The following NCOA6 variants were observed in gnomAD, a reference collection of about 807,000 sequenced individuals.
The protein encoded by NCOA6 is NRC RAP250.
A neutral mutation model predicts 171.4 loss-of-function variants in NCOA6; 49 were observed. The observed-to-expected ratio is 0.29, with a 90% CI of 0.23 to 0.36. The LOEUF (loss-of-function observed/expected upper bound fraction) is 0.36. Ranked by LOEUF, NCOA6 falls within the 10% of genes least tolerant of loss-of-function variation. The pLI is 1.00. For synonymous variants in NCOA6, 910 were observed against 927.5 expected (o/e 0.98, Z 0.34); for missense variants, 2,248 against 2,554.5 (o/e 0.88, Z 2.59).
chr20:34,812,129 T>C (rs530825273), intron 1 of NCOA6, among the ~76,000 whole-genome samples: 49 of 152,156 alleles, frequency 3.2e-4, no homozygotes, highest in African/African-American at 1.1e-3. Flanking sequence ...GGCATGTGCC[T>C]GTAGTCCCAG....
In NCOA6 at chr20:34,727,319, C is replaced by T. The variant is rs1375729749; in HGVS notation, c.6088G>A (p.Val2030Met). 6.2e-7 allele frequency: 1 copy of T among 1,614,204 alleles called. No individual in the cohort carries two copies. The highest frequency in any genetic ancestry group is 2.2e-5 in the East Asian group (1 of 44,880). The change falls in exon 14 of 15, where the codon GTG (valine) becomes ATG (methionine). Residue 2030 changes from valine to methionine, a missense_variant. This residue lies in a region of NCOA6 where 884 missense variants were observed against 941.9 expected (regional missense o/e 0.94). Transcript: ENST00000359003. ...TEEPTVASES[V>M]ENGHRKRSSR... The stretch of plus-strand genomic sequence containing the variant: ...GATCGTTTACGATGTCCATTTTCCA[C>T]ACTTTCAGAGGCCACAGTTGGCTCT...
intron 1 of NCOA6, among the ~76,000 whole-genome samples, chr20:34,815,108 A>C (rs2146682767): frequency 6.6e-6 from 1 of 152,136 alleles, no homozygotes; most frequent in Middle Eastern, 3.4e-3. Context: ...GGCTGAGCAC[A>C]GTGGCACACG....
chr20:34,799,287 CAA>C (rs1424449733), intron 1 of NCOA6, among the ~76,000 whole-genome samples: 2 of 152,062 alleles, frequency 1.3e-5, no homozygotes, highest in East Asian at 1.9e-4. Flanking sequence ...TTTGAAAATA[CAA>C]AGTCAGAGGA....
rs751202123 is a variant in NCOA6, at chr20:34,742,785, G to A, written c.3471C>T (p.Pro1157=). 16 of 1,614,148 alleles carry A rather than the reference G, an allele frequency of 9.9e-6. No individual in the cohort carries two copies. Among genetic ancestry groups the A allele is most frequent in the Non-Finnish European group, 1.3e-5 (15 of 1,180,010 alleles). The change falls in exon 11 of 15, where the codon CCC becomes CCT. Residue 1157 remains proline (P), a synonymous_variant. Coordinates refer to ENST00000359003, the MANE Select transcript of NCOA6 (RefSeq NM_014071.5). ...PNNMPSHVVL[P]QNQLMMTGPK... The stretch of plus-strand genomic sequence containing the variant: ...GCCCTGTCATCATTAACTGATTCTG[G>A]GGAAGTACTACATGTGAAGGCATGT...
chr20:34,761,563 C>T (rs1042722813), intron 5 of NCOA6, among the ~76,000 whole-genome samples: 5 of 151,722 alleles, frequency 3.3e-5, no homozygotes, highest in African/African-American at 1.2e-4. Context: ...TTTACTGAAA[C>T]GTGCTCTTGG....
intron 13 of NCOA6, among the ~76,000 whole-genome samples, chr20:34,730,625 T>C (rs1350710862): frequency 1.3e-5 from 2 of 151,406 alleles, no homozygotes; most frequent in Non-Finnish European, 2.9e-5. Flanking sequence ...ATAGTAGGAG[T>C]AGCAATGAAT....
intron 1 of NCOA6, among the ~76,000 whole-genome samples, chr20:34,807,824 C>G (rs1601121052): frequency 6.8e-6 from 1 of 147,290 alleles, no homozygotes; most frequent in Non-Finnish European, 1.5e-5. Flanking sequence ...CGTGCCCGGC[C>G]TTTTTTTTTA....
chr20:34,757,736 T>C lies in NCOA6; in HGVS notation c.1012A>G (p.Met338Val), dbSNP rs777888525. ...PPPAQGSLGTMTANQGWKKAP... is the reference protein window; with the variant it reads ...PPPAQGSLGTVTANQGWKKAP... ...TTCTTCCACCCTTGGTTTGCAGTCA[T>C]TGTGCCCAGAGAACCCTGGGCTGGA... The change falls in exon 7 of 15, where the codon ATG (methionine) becomes GTG (valine). Residue 338 changes from methionine to valine, a missense_variant. By Grantham distance (21) the Met-to-Val change is conservative. Transcript: ENST00000359003. 3.1e-6 allele frequency: 5 copies of C among 1,614,088 alleles called. No individual in the cohort carries two copies. In the South Asian group the frequency reaches 3.3e-5, roughly 11 times the overall value.
intron 1 of NCOA6, among the ~76,000 whole-genome samples, chr20:34,814,283 G>C (rs1456834507): frequency 6.6e-6 from 1 of 151,962 alleles, no homozygotes; most frequent in African/African-American, 2.4e-5. Context: ...AGGTTGCAGT[G>C]AGCTGAGATC....
chr20:34,789,594 G>A (rs568438980), intron 2 of NCOA6, among the ~76,000 whole-genome samples: 1 of 152,018 alleles, frequency 6.6e-6, no homozygotes, highest in Non-Finnish European at 1.5e-5. Flanking sequence ...GGAACATGGT[G>A]AAACCCCATT....
At chr20:34,771,028 T>C (rs903109902) in intron 4 of NCOA6, among the ~76,000 whole-genome samples, 4 of 152,196 alleles carry the variant, frequency 2.6e-5, no homozygotes, top group African/African-American at 4.8e-5. Flanking sequence ...AATTTAAAAT[T>C]TTCTAGAAGC....
In NCOA6 at chr20:34,749,696, C is replaced by T. The variant is rs1200678675; in HGVS notation, c.2499G>A (p.Val833=). ...AGGCACTGTTTCCCTGCATGGCCTG[C>T]ACATGAGGGGGGACCATGTTGGTTT... is the stretch of plus-strand genomic sequence containing the variant. ...IQQTNMVPPH[V]QAMQGNSASG... is the part of the protein sequence containing the mutation. Residue 833 remains valine (V), a synonymous_variant, in exon 9 of 15, where the codon GTG becomes GTA. Coordinates refer to ENST00000359003, the MANE Select transcript of NCOA6 (RefSeq NM_014071.5). The T allele has an allele frequency of 1.9e-6, 3 of 1,614,058 alleles. No individual in the cohort carries two copies. The highest frequency in any genetic ancestry group is 2.5e-6 in the Non-Finnish European group (3 of 1,180,012).
chr20:34,781,003 T>C (rs1423068569), intron 3 of NCOA6, among the ~76,000 whole-genome samples: 2 of 152,208 alleles, frequency 1.3e-5, no homozygotes, highest in East Asian at 3.8e-4. Flanking sequence ...ATTAGCAATA[T>C]GTAAACAACA....
intron 1 of NCOA6, among the ~76,000 whole-genome samples, chr20:34,792,776 A>ATTTTTTTT (rs35924752): frequency 8.9e-6 from 1 of 112,318 alleles, no homozygotes; most frequent in Non-Finnish European, 1.8e-5. Flanking sequence ...ATCTTTTCTG[A>ATTTTTTTT]TTTTTTTTTT....
chr20:34,818,051 A>T (rs1031803539), intron 1 of NCOA6, among the ~76,000 whole-genome samples: 10 of 152,220 alleles, frequency 6.6e-5, no homozygotes, highest in Non-Finnish European at 1.3e-4. Context: ...TACTTTCTGT[A>T]TCAATTGTTA....
rs1417499803 is a variant in NCOA6, at chr20:34,757,749, A to G, written c.999T>C (p.Gly333=). ...GGTTTGCAGTCATTGTGCCCAGAGAACCCTGGGCTGGAGGAGGTTGAAGGG... is the reference window on the plus strand; with the variant it reads ...GGTTTGCAGTCATTGTGCCCAGAGAGCCCTGGGCTGGAGGAGGTTGAAGGG... ...SGALQPPPAQ[G]SLGTMTANQG... is the part of the protein sequence containing the mutation. Residue 333 remains glycine (G), a synonymous_variant, in exon 7 of 15, where the codon GGT becomes GGC. Coordinates refer to ENST00000359003, the MANE Select transcript of NCOA6 (RefSeq NM_014071.5). 2 of 1,613,770 alleles carry G rather than the reference A, an allele frequency of 1.2e-6. No homozygotes were observed. The highest frequency in any genetic ancestry group is 2.2e-5 in the East Asian group (1 of 44,874).
chr20:34,764,382 C>T (rs575665708), intron 5 of NCOA6, among the ~76,000 whole-genome samples: 97 of 152,226 alleles, frequency 6.4e-4, no homozygotes, highest in African/African-American at 2.2e-3. Context: ...CCACAGCGCC[C>T]GGCTGCCCAG....
At chr20:34,730,958 C>T (rs768877634) in intron 13 of NCOA6, among the ~76,000 whole-genome samples, 3 of 152,232 alleles carry the variant, frequency 2.0e-5, no homozygotes, top group Non-Finnish European at 4.4e-5. Context: ...CTGCCTACCT[C>T]GGCCTCCCAG....
intron 10 of NCOA6, among the ~76,000 whole-genome samples, chr20:34,746,146 C>T (rs953527398): frequency 2.0e-5 from 3 of 152,010 alleles, no homozygotes; most frequent in African/African-American, 7.2e-5. Context: ...GAAAGGCAGG[C>T]AAGCAGGATT....
Sources: gnomAD v4.1 joint callset for allele counts (sites outside exome capture counted in the v4.1 genomes callset) on GRCh38, gnomAD v4.1.1 for gene constraint, gnomAD v4.1.1 regional missense constraint, MANE v1.5 for transcripts, NCBI Gene and HGNC (gene_info 2026-07-23, HGNC 2026-07-21) for gene names.